KCNIP1: variants seen among roughly 807,000 people sequenced by gnomAD.
KCNIP1 encodes the protein A-type potassium channel modulatory protein KCNIP1.
KCNIP1 carries 18 observed loss-of-function variants against 33.0 expected under a neutral mutation model. The observed-to-expected ratio is 0.55, with a 90% CI of 0.38 to 0.81. KCNIP1 has a LOEUF of 0.81. Among genes scored for constraint, KCNIP1 ranks in the 30% least tolerant of loss-of-function variants. The pLI is 0.00. For missense variants in KCNIP1, 238 were observed against 271.6 expected (o/e 0.88, Z 0.87); for synonymous variants, 93 against 98.3 (o/e 0.95, Z 0.32).
At chr5:170,572,068 G>C (rs1757431872) in intron 1 of KCNIP1, among the ~76,000 whole-genome samples, 1 of 152,072 alleles carries the variant, frequency 6.6e-6, no homozygotes, top group Admixed American at 6.6e-5. Flanking sequence ...GATGGGGGCT[G>C]GGGTGAATGG....
rs550057177 is a variant in KCNIP1 at position 170,634,584 on chromosome 5, C to T, written c.62-84174C>T. 2.0e-5 allele frequency among the ~76,000 whole-genome samples: 3 copies of T among 152,196 alleles called. No homozygotes were observed. In the East Asian group the frequency reaches 5.8e-4, roughly 29 times the overall value. On this transcript the variant is annotated intron_variant, in intron 1 of 7. Transcript: ENST00000328939. ...GTCATTGGCACGGAAATCCACAAAA[C>T]GACATGAGCTCTCCCAGGGAGTGTG...
At chr5:170,624,036 C>T (rs554932825) in intron 1 of KCNIP1, among the ~76,000 whole-genome samples, 1 of 152,346 alleles carries the variant, frequency 6.6e-6, no homozygotes, top group African/African-American at 2.4e-5. Context: ...TGGCCTGATG[C>T]CCTGACCTGG....
chr5:170,461,483 G>A (rs1262727998), intron 1 of KCNIP1, among the ~76,000 whole-genome samples: 1 of 152,150 alleles, frequency 6.6e-6, no homozygotes, highest in Non-Finnish European at 1.5e-5. Flanking sequence ...GGGTGCAGTG[G>A]CTCACACCTG....
At chr5:170,648,975 C>A (rs1464316258) in intron 1 of KCNIP1, among the ~76,000 whole-genome samples, 1 of 152,058 alleles carries the variant, frequency 6.6e-6, no homozygotes, top group Non-Finnish European at 1.5e-5. Context: ...ACTTCATAAC[C>A]AGTAGATTGA....
chr5:170,729,723 T>G (rs1764131129), intron 5 of KCNIP1, among the ~76,000 whole-genome samples: 1 of 152,020 alleles, frequency 6.6e-6, no homozygotes, highest in African/African-American at 2.4e-5. Context: ...TTTTGTAAAG[T>G]CTTTGTTGAA....
In KCNIP1 at chr5:170,451,209, C is replaced by A. The variant is rs148280326; in HGVS notation, c.88+97245C>A. Among the ~76,000 whole-genome samples, 1,228 of 152,266 alleles carry A rather than the reference C, an allele frequency of 8.1e-3. 18 individuals are homozygous for A. The highest frequency in any genetic ancestry group is 0.028 in the African/African-American group (1,178 of 41,558). On this transcript the variant is annotated intron_variant, in intron 1 of 7. Coordinates refer to the KCNIP1 transcript ENST00000377360. ...AACGCAGATAAAACAAGAACATTGTCTAAACCACAAAAATGACCAGACATC... is the reference window on the plus strand; with the variant it reads ...AACGCAGATAAAACAAGAACATTGTATAAACCACAAAAATGACCAGACATC...
intron 1 of KCNIP1, among the ~76,000 whole-genome samples, chr5:170,661,881 C>G (rs1761508332): frequency 6.6e-6 from 1 of 152,196 alleles, no homozygotes; most frequent in Non-Finnish European, 1.5e-5. Flanking sequence ...TTTCCAAAAC[C>G]AATTTCTACT....
At chr5:170,353,916 A>G in exon 1 of KCNIP1, 1 of 1,614,198 alleles carries the variant, frequency 6.2e-7, no homozygotes, top group Non-Finnish European at 8.5e-7. Flanking sequence ...TGGGTTCGTG[A>G]AATTTGCCCA....
chr5:170,371,337 C>T (rs1452900619), intron 1 of KCNIP1, among the ~76,000 whole-genome samples: 1 of 152,170 alleles, frequency 6.6e-6, no homozygotes, highest in East Asian at 1.9e-4. Context: ...TCTATTGAGA[C>T]TTCAGAGGTG....
At chr5:170,458,801 C>CA (rs1160001199) in intron 1 of KCNIP1, among the ~76,000 whole-genome samples, 1 of 152,054 alleles carries the variant, frequency 6.6e-6, no homozygotes, top group East Asian at 1.9e-4. Context: ...AAGACAACAA[C>CA]AAAAAACAAG....
chr5:170,393,288 AG>A (rs879447504), intron 1 of KCNIP1, among the ~76,000 whole-genome samples: 8 of 152,282 alleles, frequency 5.3e-5, no homozygotes, highest in Admixed American at 5.2e-4. Context: ...TGTTTATTTA[AG>A]TCTTTCTGAA....
Position 170,508,116 on chromosome 5 carries a change from G to A in KCNIP1, c.61+3483G>A, listed in dbSNP as rs577448837. On this transcript the variant is annotated intron_variant, in intron 1 of 7. Coordinates refer to ENST00000328939, the MANE Select transcript of KCNIP1 (RefSeq NM_014592.4). ...TTAGGGACAACATCACTAGACCAAG[G>A]CCATCTCAACAGAGAATTGCCTAGA... Among the ~76,000 whole-genome samples the A allele has an allele frequency of 1.6e-4, 24 of 152,294 alleles. No homozygotes were observed. The South Asian group carries it at 1.7e-3, about 11-fold the overall frequency.
chr5:170,383,560 C>G, intron 1 of KCNIP1: 1 of 1,111,938 alleles, frequency 9.0e-7, no homozygotes, highest in South Asian at 1.3e-5. Flanking sequence ...CTCATTCCAG[C>G]TGTGAGACCT....
At chr5:170,473,251 G>T (rs1323657372) in intron 1 of KCNIP1, among the ~76,000 whole-genome samples, 1 of 152,068 alleles carries the variant, frequency 6.6e-6, no homozygotes, top group Non-Finnish European at 1.5e-5. Context: ...GTTTATAATT[G>T]ACATTTATTA....
chr5:170,734,039 T>C (rs1287726721), intron 7 of KCNIP1, 141 bp downstream of exon 7: 2 of 640,040 alleles, frequency 3.1e-6, no homozygotes, highest in Non-Finnish European at 5.5e-6. Context: ...CAGCAACAAC[T>C]GTGAAGTCCA....
At chr5:170,385,217 G>A (rs1415997828) in intron 1 of KCNIP1, 1 of 1,330,696 alleles carries the variant, frequency 7.5e-7, no homozygotes, top group African/African-American at 1.4e-5. Flanking sequence ...CTTGAATGAG[G>A]GTCAAGGAGA....
chr5:170,525,348 GAT>G (rs2113323479), intron 1 of KCNIP1, among the ~76,000 whole-genome samples: 1 of 152,324 alleles, frequency 6.6e-6, no homozygotes, highest in East Asian at 1.9e-4. Flanking sequence ...AGATCATAAT[GAT>G]ACCTGCCCCA....
intron 1 of KCNIP1, among the ~76,000 whole-genome samples, chr5:170,695,010 T>C (rs146120124): frequency 1.3e-5 from 2 of 152,324 alleles, no homozygotes; most frequent in East Asian, 1.9e-4. Context: ...ACCCATTCTC[T>C]AGAAAAACCT....
chr5:170,367,414 AAAGAAAGG>A (rs1763713975), intron 1 of KCNIP1, among the ~76,000 whole-genome samples: 2 of 114,852 alleles, frequency 1.7e-5, no homozygotes, highest in Non-Finnish European at 3.7e-5. Context: ...AGAAAGAAAG[AAAGAAAGG>A]AAAGAAAGAA....
Sources: allele counts gnomAD v4.1 joint callset (sites outside exome capture counted in the v4.1 genomes callset), GRCh38; gene constraint gnomAD v4.1.1; transcripts MANE v1.5; gene names NCBI Gene and HGNC (gene_info 2026-07-23, HGNC 2026-07-21).